Variants in DCC observed in about 807,000 individuals in gnomAD.
DCC encodes DCC netrin 1 receptor.
In DCC, 58 loss-of-function variants were observed where a neutral mutation model predicts 172.5. The ratio of observed to expected loss-of-function variants is 0.34; its 90% CI spans 0.27 to 0.42. The LOEUF (loss-of-function observed/expected upper bound fraction) is 0.42, where lower values mean the gene tolerates loss of function less well. Ranked by LOEUF, DCC falls within the 10% of genes least tolerant of loss-of-function variation. The pLI, the probability that DCC is intolerant of heterozygous loss-of-function variation, is 1.00. For missense variants in DCC, 1,740 were observed against 1,791.0 expected, an observed-to-expected ratio of 0.97 and a Z score of 0.51; for synonymous variants, 709 against 644.5, an observed-to-expected ratio of 1.10 and a Z score of -1.52.
At chr18:53,175,023 T>C (rs1461498819) in intron 8 of DCC, among the ~76,000 whole-genome samples, 1 of 151,384 alleles carries the variant, frequency 6.6e-6, no homozygotes, top group Non-Finnish European at 1.5e-5. Context: ...TGGTTCAATA[T>C]ACGCAAATCA....
chr18:52,461,343 C>T (rs889337317), intron 1 of DCC, among the ~76,000 whole-genome samples: 4 of 152,106 alleles, frequency 2.6e-5, no homozygotes, highest in African/African-American at 4.8e-5. Flanking sequence ...GAATACCCCC[C>T]GAAGGACTTG....
At chr18:52,572,777 C>T (rs758981825) in intron 1 of DCC, among the ~76,000 whole-genome samples, 5 of 152,110 alleles carry the variant, frequency 3.3e-5, no homozygotes, top group African/African-American at 4.8e-5. Flanking sequence ...ATATAAAGTG[C>T]GGGGAGGGAG....
At chr18:53,131,569 C>T (rs568204469) in intron 7 of DCC, among the ~76,000 whole-genome samples, 36 of 152,108 alleles carry the variant, frequency 2.4e-4, no homozygotes, top group African/African-American at 7.5e-4. Context: ...GGTTGATGTG[C>T]GGGATCACAG....
intron 24 of DCC, among the ~76,000 whole-genome samples, chr18:53,462,288 T>C (rs1318195227): frequency 1.3e-5 from 2 of 152,092 alleles, no homozygotes; most frequent in Non-Finnish European, 2.9e-5. Context: ...CAAAGCTTCA[T>C]ATGTATTTAC....
At chr18:53,111,935 T>C (rs1204226456) in intron 7 of DCC, among the ~76,000 whole-genome samples, 1 of 151,558 alleles carries the variant, frequency 6.6e-6, no homozygotes. Flanking sequence ...TACCAGGAAA[T>C]GAGAGTTGTG....
chr18:52,878,287 C>G lies in DCC; in HGVS notation c.413-27757C>G, dbSNP rs1332679447. Reference sequence around the variant, plus strand: ...TATAAAACCTAACTTTCAAGAAACCCTACTTTATTTCCCCAACCCATAAGA... The same window carrying G: ...TATAAAACCTAACTTTCAAGAAACCGTACTTTATTTCCCCAACCCATAAGA... On this transcript the variant is annotated intron_variant, in intron 2 of 28. Coordinates refer to ENST00000442544, the MANE Select transcript of DCC (RefSeq NM_005215.4). Among the ~76,000 whole-genome samples the G allele has an allele frequency of 2.0e-5, 3 of 152,284 alleles. No individual in the cohort carries two copies. The East Asian group carries it at 5.8e-4, about 29-fold the overall frequency.
At chr18:52,940,358 A>G (rs1222005519) in intron 5 of DCC, among the ~76,000 whole-genome samples, 1 of 152,170 alleles carries the variant, frequency 6.6e-6, no homozygotes, top group Non-Finnish European at 1.5e-5. Flanking sequence ...CTTCAGGCAG[A>G]CTAGATCTTC....
intron 19 of DCC, 72 bp from the exon 20 acceptor site, chr18:53,410,380 A>G: frequency 3.4e-6 from 3 of 892,516 alleles, no homozygotes; most frequent in South Asian, 2.6e-5. Context: ...ACATTTGGGA[A>G]ACCTGGGTGT....
At chr18:52,730,495 G>A (rs1416069667) in intron 1 of DCC, among the ~76,000 whole-genome samples, 4 of 152,098 alleles carry the variant, frequency 2.6e-5, no homozygotes, top group Non-Finnish European at 5.9e-5. Flanking sequence ...GTTGATATTT[G>A]CAAAAAACTC....
At chr18:52,667,868 G>A (rs563441645) in intron 1 of DCC, among the ~76,000 whole-genome samples, 5 of 152,212 alleles carry the variant, frequency 3.3e-5, no homozygotes, top group African/African-American at 1.2e-4. Flanking sequence ...CTTGATAAAG[G>A]CTGGTAAGAG....
At chr18:53,400,316 G>T (rs144039592) in intron 18 of DCC, among the ~76,000 whole-genome samples, 2 of 152,090 alleles carry the variant, frequency 1.3e-5, no homozygotes, top group African/African-American at 4.8e-5. Flanking sequence ...GTGTCAGAAA[G>T]ATGATGTGTT....
intron 2 of DCC, among the ~76,000 whole-genome samples, chr18:52,846,289 C>A (rs1178167980): frequency 6.6e-6 from 1 of 151,974 alleles, no homozygotes; most frequent in Non-Finnish European, 1.5e-5. Context: ...TGCCTGTAAT[C>A]CCTGCACTTT....
At chr18:53,215,351 G>A (rs536620010) in intron 11 of DCC, among the ~76,000 whole-genome samples, 197 bp from the exon 12 acceptor site, 15 of 130,796 alleles carry the variant, frequency 1.1e-4, no homozygotes, top group African/African-American at 2.6e-4. Context: ...ACTGGCTAGC[G>A]AAATGAGAAA....
intron 5 of DCC, among the ~76,000 whole-genome samples, chr18:53,042,934 T>C (rs1490419147): frequency 1.3e-5 from 2 of 151,904 alleles, no homozygotes; most frequent in African/African-American, 4.8e-5. Flanking sequence ...AGAAATACCA[T>C]TTGACCCAGC....
chr18:53,487,417 G>GA (rs1398018279), intron 26 of DCC, among the ~76,000 whole-genome samples: 1 of 150,734 alleles, frequency 6.6e-6, no homozygotes, highest in Non-Finnish European at 1.5e-5. Context: ...TTAATTATCA[G>GA]AAAAAAAGGA....
intron 15 of DCC, among the ~76,000 whole-genome samples, chr18:53,385,766 G>A (rs750943739): frequency 6.6e-6 from 1 of 152,122 alleles, no homozygotes; most frequent in Non-Finnish European, 1.5e-5. Flanking sequence ...ATTAGGGTTC[G>A]AGGGCACACA....
Position 52,774,558 on chromosome 18 carries a change from G to C in DCC, c.412+22184G>C, listed in dbSNP as rs150319066. 3.2e-3 allele frequency among the ~76,000 whole-genome samples: 484 copies of C among 152,374 alleles called. 6 individuals carry two copies. Among genetic ancestry groups the C allele is most frequent in the African/African-American group, 0.011 (453 of 41,584 alleles). On this transcript the variant is annotated intron_variant, in intron 2 of 28. Coordinates refer to ENST00000442544, the MANE Select transcript of DCC (RefSeq NM_005215.4). ...AAAACTGAGTAGACTGGAGAGGTCA[G>C]AGCAGCAAAGAACTCTGCATTCTGT...
rs530777181 is a variant in DCC at position 53,204,924 on chromosome 18, A to G, written c.1574-292A>G. 7.9e-5 allele frequency among the ~76,000 whole-genome samples: 12 copies of G among 152,310 alleles called. No individual in the cohort carries two copies. The East Asian group carries it at 2.1e-3, about 27-fold the overall frequency. On this transcript the variant is annotated intron_variant, in intron 9 of 28. Coordinates refer to ENST00000442544, the MANE Select transcript of DCC (RefSeq NM_005215.4). ...TTTCAGACTAAGAATTTAGATTCAC[A>G]ATCCCACTCTTTGCTGCCATTATCT...
At chr18:52,970,950 T>C (rs1324992202) in intron 5 of DCC, among the ~76,000 whole-genome samples, 1 of 152,198 alleles carries the variant, frequency 6.6e-6, no homozygotes, top group Non-Finnish European at 1.5e-5. Flanking sequence ...TTGTGAAGCT[T>C]CAGTTCTTTT....
Sources: allele counts gnomAD v4.1 joint callset (sites outside exome capture counted in the v4.1 genomes callset), GRCh38; gene constraint gnomAD v4.1.1; transcripts MANE v1.5; gene names NCBI Gene and HGNC (gene_info 2026-07-23, HGNC 2026-07-21).